The following RIMS2 variants were observed in gnomAD, a reference collection of about 807,000 sequenced individuals.
RIMS2 encodes regulating synaptic membrane exocytosis 2.
In RIMS2, 59 loss-of-function variants were observed where a neutral mutation model predicts 174.4. That is an observed-to-expected ratio of 0.34 (90% CI 0.27 to 0.42). The LOEUF is 0.42. Among genes scored for constraint, RIMS2 ranks in the 10% least tolerant of loss-of-function variants. The pLI is 1.00. For missense variants in RIMS2, 1,620 were observed against 1,666.3 expected (o/e 0.97, Z 0.48); for synonymous variants, 606 against 572.5 (o/e 1.06, Z -0.84).
intron 1 of RIMS2, among the ~76,000 whole-genome samples, chr8:103,506,051 T>C (rs1178737794): frequency 1.3e-5 from 2 of 152,136 alleles, no homozygotes; most frequent in African/African-American, 2.4e-5. Context: ...CCTATTCTAG[T>C]ATTTTTAAAA....
intron 16 of RIMS2, among the ~76,000 whole-genome samples, chr8:103,980,233 G>T (rs955126739): frequency 6.6e-6 from 1 of 152,162 alleles, no homozygotes; most frequent in East Asian, 1.9e-4. Flanking sequence ...CTTGCATCTT[G>T]CATACCAGCT....
intron 1 of RIMS2, among the ~76,000 whole-genome samples, chr8:103,569,761 C>T (rs1038718647): frequency 6.6e-6 from 1 of 151,634 alleles, no homozygotes; most frequent in Non-Finnish European, 1.5e-5. Context: ...GGACTACAAG[C>T]ATGTGCTACT....
intron 1 of RIMS2, among the ~76,000 whole-genome samples, chr8:103,616,375 T>G (rs1197566173): frequency 6.6e-6 from 1 of 152,176 alleles, no homozygotes; most frequent in African/African-American, 2.4e-5. Flanking sequence ...TAGTTCAAAA[T>G]AATAATAGCC....
intron 3 of RIMS2, among the ~76,000 whole-genome samples, chr8:103,794,291 C>A (rs1191281429): frequency 1.3e-5 from 2 of 152,000 alleles, no homozygotes; most frequent in Non-Finnish European, 2.9e-5. Context: ...CATCTAAAAC[C>A]ATCTGATCTT....
At chr8:103,556,094 G>T (rs539776420) in intron 1 of RIMS2, among the ~76,000 whole-genome samples, 35 of 152,114 alleles carry the variant, frequency 2.3e-4, no homozygotes, top group Non-Finnish European at 4.4e-4. Flanking sequence ...ATTTCAGTTA[G>T]ATAGAATGAA....
chr8:103,739,472 T>C (rs1196784772), intron 2 of RIMS2, among the ~76,000 whole-genome samples: 2 of 152,212 alleles, frequency 1.3e-5, no homozygotes, highest in Admixed American at 6.5e-5. Context: ...GGCACATGTA[T>C]ACATATGTAA....
At chr8:103,685,126 A>G (rs889640280) in intron 1 of RIMS2, among the ~76,000 whole-genome samples, 2 of 149,866 alleles carry the variant, frequency 1.3e-5, no homozygotes, top group Non-Finnish European at 3.0e-5. Context: ...TGGATTTTCA[A>G]TTACTATTTA....
chr8:104,043,294 T>C (rs1597636040), intron 19 of RIMS2, among the ~76,000 whole-genome samples: 1 of 151,604 alleles, frequency 6.6e-6, no homozygotes, highest in South Asian at 2.1e-4. Flanking sequence ...GACAGGAAGG[T>C]CCCCAAGGAT....
intron 1 of RIMS2, among the ~76,000 whole-genome samples, chr8:103,626,600 A>G (rs960279715): frequency 5.3e-5 from 8 of 152,228 alleles, no homozygotes; most frequent in Admixed American, 3.9e-4. Flanking sequence ...TTGATCTAAT[A>G]CCATAAAAAA....
intron 1 of RIMS2, among the ~76,000 whole-genome samples, chr8:103,595,120 A>G (rs1268651166): frequency 6.6e-6 from 1 of 151,820 alleles, no homozygotes; most frequent in African/African-American, 2.4e-5. Flanking sequence ...AGTCTGATAT[A>G]TGTAATTCTT....
At chr8:103,646,617 T>A (rs1398201485) in intron 1 of RIMS2, among the ~76,000 whole-genome samples, 2 of 152,272 alleles carry the variant, frequency 1.3e-5, no homozygotes, top group Non-Finnish European at 2.9e-5. Flanking sequence ...TTCTCATCAT[T>A]CAGCTCCAAC....
chr8:104,031,329 T>G (rs1022272277), intron 19 of RIMS2, among the ~76,000 whole-genome samples: 2 of 152,082 alleles, frequency 1.3e-5, no homozygotes, highest in African/African-American at 4.8e-5. Context: ...AAAATGCTTA[T>G]TTCTAAAATA....
rs2136060854 is a variant in RIMS2 at position 103,660,215 on chromosome 8, T to C, written c.177-36871T>C. The stretch of plus-strand genomic sequence containing the variant: ...TGGAACTGTCCTTCCAGCTGGCCAC[T>C]GCATATCATGGCTCTGCAACCACCA... On this transcript the variant is annotated intron_variant, in intron 1 of 23. Transcript: ENST00000504942. Among the ~76,000 whole-genome samples the C allele has an allele frequency of 1.3e-5, 2 of 152,322 alleles. 1 individual carries two copies. The highest frequency in any genetic ancestry group is 4.1e-4 in the South Asian group (2 of 4,824).
intron 3 of RIMS2, among the ~76,000 whole-genome samples, chr8:103,820,390 C>A (rs1000028753): frequency 5.3e-5 from 8 of 151,908 alleles, no homozygotes; most frequent in Admixed American, 2.0e-4. Context: ...CCCCATTTAA[C>A]TAAATATATG....
intron 3 of RIMS2, among the ~76,000 whole-genome samples, chr8:103,782,342 T>A (rs1295087573): frequency 6.6e-6 from 1 of 152,288 alleles, no homozygotes; most frequent in South Asian, 2.1e-4. Flanking sequence ...TTTTAGTGTA[T>A]GTGTCATATT....
chr8:103,786,723 G>T (rs77277821), intron 3 of RIMS2, among the ~76,000 whole-genome samples: 12 of 152,154 alleles, frequency 7.9e-5, no homozygotes, highest in African/African-American at 2.9e-4. Context: ...GCTGTGGTGT[G>T]GTTCTGAAAA....
intron 8 of RIMS2, among the ~76,000 whole-genome samples, chr8:103,917,290 T>C (rs2076796403): frequency 6.6e-6 from 1 of 152,192 alleles, no homozygotes. Flanking sequence ...TTTTAATTCA[T>C]TTAGGAAATG....
chr8:104,114,894 A>G (rs2098255318), intron 19 of RIMS2, among the ~76,000 whole-genome samples: 2 of 152,052 alleles, frequency 1.3e-5, no homozygotes, highest in Non-Finnish European at 2.9e-5. Context: ...TAACTTTTCA[A>G]GCTTACATTG....
intron 19 of RIMS2, among the ~76,000 whole-genome samples, chr8:104,070,746 G>A (rs1255617783): frequency 2.0e-5 from 3 of 152,112 alleles, no homozygotes; most frequent in African/African-American, 7.2e-5. Flanking sequence ...ACTTCAGGAA[G>A]GAATGTAGAT....
Sources: allele counts gnomAD v4.1 joint callset (sites outside exome capture counted in the v4.1 genomes callset), GRCh38; gene constraint gnomAD v4.1.1; transcripts MANE v1.5; gene names NCBI Gene and HGNC (gene_info 2026-07-23, HGNC 2026-07-21).